Variants in UGGT2 observed in about 807,000 individuals in gnomAD.
The protein encoded by UGGT2 is UDP-glucose:glycoprotein glucosyltransferase 2.
UGGT2 carries 180 observed loss-of-function variants against 192.1 expected under a neutral mutation model. That is an observed-to-expected ratio of 0.94 (90% CI 0.83 to 1.06). The LOEUF (loss-of-function observed/expected upper bound fraction) is 1.06. UGGT2 is among the 50% of genes least tolerant of loss of function. UGGT2 has a pLI of 0.00. For missense variants in UGGT2, 1,849 were observed against 1,795.7 expected, an observed-to-expected ratio of 1.03 and a Z score of -0.54; for synonymous variants, 580 against 591.0, an observed-to-expected ratio of 0.98 and a Z score of 0.27.
Position 96,021,992 on chromosome 13 carries a change from A to C in UGGT2, c.485+1048T>G, listed in dbSNP as rs188469854. ...ATTCCAATGTTGACTTAAAAGCATCAACAAATACAAGGAGCTAAGGCATTC... is the reference window on the plus strand; with the variant it reads ...ATTCCAATGTTGACTTAAAAGCATCCACAAATACAAGGAGCTAAGGCATTC... On this transcript the variant is annotated intron_variant, in intron 4 of 38. Transcript: ENST00000376747. Among the ~76,000 whole-genome samples the C allele has an allele frequency of 1.6e-3, 237 of 152,286 alleles. 2 individuals are homozygous for C. The highest frequency in any genetic ancestry group is 5.3e-3 in the African/African-American group (219 of 41,576).
intron 17 of UGGT2, among the ~76,000 whole-genome samples, chr13:95,936,556 G>A (rs1358088547): frequency 6.6e-6 from 1 of 152,226 alleles, no homozygotes; most frequent in East Asian, 1.9e-4. Context: ...CCAACACTGA[G>A]GGAGAATACA....
chr13:95,836,226 T>C (rs1266892770), intron 37 of UGGT2, among the ~76,000 whole-genome samples: 4 of 152,138 alleles, frequency 2.6e-5, no homozygotes, highest in African/African-American at 9.7e-5. Flanking sequence ...TTTTTTGTAA[T>C]TTTAGTAGAG....
At chr13:95,986,285 T>C in intron 9 of UGGT2, 48 bp downstream of exon 9, 1 of 1,288,436 alleles carries the variant, frequency 7.8e-7, no homozygotes, top group East Asian at 2.3e-5. Context: ...AAAACTCATT[T>C]AATAGAAAGA....
intron 12 of UGGT2, among the ~76,000 whole-genome samples, chr13:95,962,494 A>C (rs2050430296): frequency 6.6e-6 from 1 of 152,190 alleles, no homozygotes; most frequent in Non-Finnish European, 1.5e-5. Flanking sequence ...AGACTGAATT[A>C]GGAAGAAACA....
intron 22 of UGGT2, 110 bp downstream of exon 22, chr13:95,900,697 C>T (rs754965278): frequency 6.5e-6 from 8 of 1,228,478 alleles, no homozygotes; most frequent in Non-Finnish European, 6.5e-6. Flanking sequence ...AGCTCATGAA[C>T]ACCGTCCTCT....
chr13:95,946,345 T>C (rs938132677), intron 15 of UGGT2, among the ~76,000 whole-genome samples: 6 of 152,180 alleles, frequency 3.9e-5, no homozygotes, highest in Admixed American at 3.9e-4. Context: ...ATATGCTATG[T>C]CATTCAGAAT....
At chr13:95,840,415 T>G (rs1887740485) in intron 36 of UGGT2, among the ~76,000 whole-genome samples, 1 of 152,148 alleles carries the variant, frequency 6.6e-6, no homozygotes, top group Non-Finnish European at 1.5e-5. Context: ...AAGAAGACAC[T>G]TATGCGACCA....
At chr13:95,983,441 T>C (rs183030383) in intron 10 of UGGT2, 63 of 335,678 alleles carry the variant, frequency 1.9e-4, no homozygotes, top group African/African-American at 1.1e-3. Context: ...TTCTATCTGC[T>C]ATAGGATTCT....
intron 2 of UGGT2, among the ~76,000 whole-genome samples, chr13:96,027,993 C>A (rs2052719334): frequency 6.6e-6 from 1 of 152,196 alleles, no homozygotes; most frequent in African/African-American, 2.4e-5. Flanking sequence ...AGGTACTCTT[C>A]CTTAGTCTCC....
chr13:95,909,779 T>TAATAATAAA (rs1555353193), intron 20 of UGGT2, among the ~76,000 whole-genome samples: 2 of 87,334 alleles, frequency 2.3e-5, no homozygotes, highest in African/African-American at 1.1e-4. Flanking sequence ...ATAATAATAA[T>TAATAATAAA]AAAAAAGATT....
chr13:95,862,780 A>C (rs1425366971), intron 31 of UGGT2, among the ~76,000 whole-genome samples: 1 of 152,198 alleles, frequency 6.6e-6, no homozygotes, highest in Non-Finnish European at 1.5e-5. Flanking sequence ...AGATGGAGAA[A>C]GATTGTTTCC....
chr13:95,826,505 T>C (rs762242504), intron 38 of UGGT2, among the ~76,000 whole-genome samples: 6 of 151,900 alleles, frequency 3.9e-5, no homozygotes, highest in Admixed American at 6.6e-5. Flanking sequence ...ACAACCAATA[T>C]AAAAATTCAG....
At chr13:96,038,434 T>C (rs1177983072) in intron 1 of UGGT2, among the ~76,000 whole-genome samples, 1 of 152,198 alleles carries the variant, frequency 6.6e-6, no homozygotes, top group Non-Finnish European at 1.5e-5. Flanking sequence ...TAATATGGTA[T>C]GCCCACAAGT....
intron 33 of UGGT2, among the ~76,000 whole-genome samples, chr13:95,858,756 G>T (rs1889869126): frequency 6.6e-6 from 1 of 152,118 alleles, no homozygotes; most frequent in African/African-American, 2.4e-5. Context: ...AGTGGTCTCA[G>T]GTACCTCTCA....
In UGGT2 at chr13:96,010,532, C is replaced by G. The variant is rs142236327; in HGVS notation, c.660+2775G>C. On this transcript the variant is annotated intron_variant, in intron 5 of 38. Transcript: ENST00000376747. ...TCTTCCCTCACTACTCCCCATTCAA[C>G]ATTGACTAGAAGTCTTAATCATTAA... 7.9e-3 allele frequency among the ~76,000 whole-genome samples: 1,209 copies of G among 152,178 alleles called. 11 individuals carry two copies. The highest frequency in any genetic ancestry group is 0.021 in the Admixed American group (313 of 15,266).
rs149690030 is a variant in UGGT2 at position 95,890,324 on chromosome 13, T to C, written c.2958+538A>G. On this transcript the variant is annotated intron_variant, in intron 25 of 38. Coordinates refer to ENST00000376747, the MANE Select transcript of UGGT2 (RefSeq NM_020121.4). ...ACCACAGATGGAGTGGTTTAAACAATAGAAATTTATTTTCTCATAGTTCTG... is the reference window on the plus strand; with the variant it reads ...ACCACAGATGGAGTGGTTTAAACAACAGAAATTTATTTTCTCATAGTTCTG... Among the ~76,000 whole-genome samples the C allele has an allele frequency of 9.2e-3, 1,404 of 152,256 alleles. 26 individuals carry two copies. Among genetic ancestry groups the C allele is most frequent in the African/African-American group, 0.032 (1,339 of 41,562 alleles).
intron 15 of UGGT2, among the ~76,000 whole-genome samples, chr13:95,942,646 G>T (rs2049730034): frequency 6.6e-6 from 1 of 151,730 alleles, no homozygotes; most frequent in African/African-American, 2.4e-5. Flanking sequence ...TTGGGTCATT[G>T]GTATTTTTCT....
chr13:96,027,646 C>T (rs1056542569), intron 2 of UGGT2, among the ~76,000 whole-genome samples: 2 of 152,128 alleles, frequency 1.3e-5, no homozygotes, highest in Admixed American at 6.6e-5. Flanking sequence ...CTTAACGACA[C>T]GTAGCTCTAC....
chr13:95,968,420 G>C (rs1204636464), intron 12 of UGGT2, among the ~76,000 whole-genome samples: 1 of 152,064 alleles, frequency 6.6e-6, no homozygotes, highest in Non-Finnish European at 1.5e-5. Flanking sequence ...TTGGATACTT[G>C]TCCCCACCCA....
Sources: gnomAD v4.1 joint callset for allele counts (sites outside exome capture counted in the v4.1 genomes callset) on GRCh38, gnomAD v4.1.1 for gene constraint, MANE v1.5 for transcripts, NCBI Gene and HGNC (gene_info 2026-07-23, HGNC 2026-07-21) for gene names.